The following SVOP variants were observed in gnomAD, a reference collection of about 807,000 sequenced individuals.
SVOP encodes the protein SV2 related protein, also known as synaptic vesicle 2-related protein.
In SVOP, 17 loss-of-function variants were observed where a neutral mutation model predicts 69.1. The ratio of observed to expected loss-of-function variants is 0.25; its 90% confidence interval spans 0.17 to 0.37. The LOEUF is 0.37. Ranked by LOEUF, SVOP falls within the 10% of genes least tolerant of loss-of-function variation. The pLI is 1.00. For missense variants in SVOP, 435 were observed against 597.5 expected (o/e 0.73, Z 2.84); for synonymous variants, 238 against 238.6 (o/e 1.00, Z 0.02).
intron 1 of SVOP, among the ~76,000 whole-genome samples, chr12:109,011,616 A>C (rs16939848): frequency 0.036 from 5,526 of 152,286 alleles, 337 homozygotes; most frequent in African/African-American, 0.13. Flanking sequence ...ACATGGGCTC[A>C]AAGAGTTTAC....
chr12:108,974,033 G>A (rs2040093472), intron 4 of SVOP, among the ~76,000 whole-genome samples: 1 of 152,220 alleles, frequency 6.6e-6, no homozygotes, highest in South Asian at 2.1e-4. Context: ...AATGAAAGCT[G>A]TGTGCTCTTT....
At chr12:108,929,320 G>A (rs2039801658) in intron 11 of SVOP, among the ~76,000 whole-genome samples, 1 of 152,042 alleles carries the variant, frequency 6.6e-6, no homozygotes, top group East Asian at 1.9e-4. Context: ...TAGTTAGTTA[G>A]TTAGCTAGTT....
At chr12:108,943,742 G>T (rs1409687880) in intron 7 of SVOP, among the ~76,000 whole-genome samples, 1 of 152,134 alleles carries the variant, frequency 6.6e-6, no homozygotes, top group Non-Finnish European at 1.5e-5. Context: ...GGCAGTCAGA[G>T]TTCAAGATCA....
intron 11 of SVOP, among the ~76,000 whole-genome samples, chr12:108,927,441 T>C (rs1312375266): frequency 6.6e-6 from 1 of 152,220 alleles, no homozygotes. Context: ...TTCCTTTAAC[T>C]CATCTATCAC....
intron 9 of SVOP, among the ~76,000 whole-genome samples, chr12:108,937,568 C>T (rs577371593): frequency 1.3e-5 from 2 of 152,276 alleles, no homozygotes; most frequent in Admixed American, 6.5e-5. Context: ...ATCTCACGCC[C>T]TCCAACCTGG....
chr12:108,960,058 T>C (rs1031952700), intron 6 of SVOP, among the ~76,000 whole-genome samples: 2 of 152,236 alleles, frequency 1.3e-5, no homozygotes, highest in Admixed American at 6.5e-5. Context: ...ACCTGCCACA[T>C]AGTTAACACT....
chr12:108,969,384 CTT>C (rs372898097), intron 5 of SVOP, among the ~76,000 whole-genome samples: 43 of 138,554 alleles, frequency 3.1e-4, no homozygotes, highest in East Asian at 1.3e-3. Flanking sequence ...CCTTTTCTTT[CTT>C]TTTTTTTTTT....
intron 11 of SVOP, among the ~76,000 whole-genome samples, chr12:108,924,771 C>T (rs1356151649): frequency 6.6e-6 from 1 of 152,126 alleles, no homozygotes; most frequent in Non-Finnish European, 1.5e-5. Flanking sequence ...GTTTGGTTCC[C>T]TATAGAAACT....
At chr12:108,948,313 C>G (rs1179754646) in intron 6 of SVOP, among the ~76,000 whole-genome samples, 1 of 152,236 alleles carries the variant, frequency 6.6e-6, no homozygotes, top group African/African-American at 2.4e-5. Context: ...GCCCCCAGTT[C>G]TGTCTGCTTC....
chr12:108,925,859 C>T (rs1184915092), intron 11 of SVOP, among the ~76,000 whole-genome samples: 1 of 152,050 alleles, frequency 6.6e-6, no homozygotes, highest in Non-Finnish European at 1.5e-5. Flanking sequence ...TGAGGCCACC[C>T]TGACCATCCT....
At chr12:108,951,680 G>A (rs1170681368) in intron 6 of SVOP, among the ~76,000 whole-genome samples, 1 of 152,078 alleles carries the variant, frequency 6.6e-6, no homozygotes, top group Admixed American at 6.6e-5. Context: ...GAAACGCCGT[G>A]GATATAAATG....
chr12:108,960,018 A>G (rs931729073), intron 6 of SVOP, among the ~76,000 whole-genome samples: 5 of 152,228 alleles, frequency 3.3e-5, no homozygotes, highest in African/African-American at 1.2e-4. Context: ...AGATTAAAGG[A>G]GATCATCTGG....
chr12:108,997,717 G>A (rs1399099961), intron 1 of SVOP, among the ~76,000 whole-genome samples: 1 of 151,346 alleles, frequency 6.6e-6, no homozygotes, highest in Non-Finnish European at 1.5e-5. Context: ...AACTCACAAG[G>A]CAGGGTATTC....
chr12:108,982,803 C>T (rs1397327994), intron 2 of SVOP, among the ~76,000 whole-genome samples: 9 of 128,154 alleles, frequency 7.0e-5, no homozygotes, highest in African/African-American at 2.5e-4. Flanking sequence ...ATCATCATCA[C>T]CATCATCATC....
chr12:108,982,713 CCAT>C (rs1221347105), intron 2 of SVOP, among the ~76,000 whole-genome samples: 34 of 95,490 alleles, frequency 3.6e-4, no homozygotes, highest in Admixed American at 1.2e-3. Context: ...ATCACTGTCA[CCAT>C]CATCATCATC....
intron 4 of SVOP, 32 bp from the exon 5 acceptor site, chr12:108,972,508 G>A (rs1313695613): frequency 4.6e-6 from 7 of 1,533,340 alleles, no homozygotes; most frequent in South Asian, 2.4e-5. Flanking sequence ...TCATTAGACA[G>A]AGGATGTGGA....
chr12:108,939,714 T>A (rs1039563874), intron 8 of SVOP, among the ~76,000 whole-genome samples: 1 of 152,166 alleles, frequency 6.6e-6, no homozygotes. Flanking sequence ...TGTTTCCTTT[T>A]TCATAGCGCA....
intron 1 of SVOP, among the ~76,000 whole-genome samples, chr12:109,012,592 C>T (rs934951266): frequency 3.3e-5 from 5 of 152,018 alleles, no homozygotes; most frequent in Admixed American, 3.3e-4. Flanking sequence ...AATCAGTAGT[C>T]AAACTGCTGT....
intron 5 of SVOP, among the ~76,000 whole-genome samples, chr12:108,964,880 T>C (rs2040036355): frequency 6.6e-6 from 1 of 152,212 alleles, no homozygotes; most frequent in Non-Finnish European, 1.5e-5. Flanking sequence ...GGTAGATGCA[T>C]AGACATTATG....
Sources: gnomAD v4.1 joint callset for allele counts (sites outside exome capture counted in the v4.1 genomes callset) on GRCh38, gnomAD v4.1.1 for gene constraint, MANE v1.5 for transcripts, NCBI Gene and HGNC (gene_info 2026-07-23, HGNC 2026-07-21) for gene names.